The following NPAS3 variants were observed in gnomAD, a reference collection of about 807,000 sequenced individuals.
The protein encoded by NPAS3 is neuronal PAS domain protein 3.
In NPAS3, 14 loss-of-function variants were observed where a neutral mutation model predicts 73.1. The observed-to-expected ratio is 0.19, with a 90% confidence interval of 0.13 to 0.30. The LOEUF (loss-of-function observed/expected upper bound fraction) is 0.30. Ranked by LOEUF, NPAS3 falls within the 10% of genes least tolerant of loss-of-function variation. NPAS3 has a pLI of 1.00. For missense variants in NPAS3, 1,096 were observed against 1,250.0 expected, an observed-to-expected ratio of 0.88 and a Z score of 1.86; for synonymous variants, 620 against 541.5, an observed-to-expected ratio of 1.14 and a Z score of -2.01.
At chr14:33,303,817 C>G (rs1360565165) in intron 3 of NPAS3, among the ~76,000 whole-genome samples, 2 of 152,168 alleles carry the variant, frequency 1.3e-5, no homozygotes, top group African/African-American at 4.8e-5. Context: ...GTCTCAAATT[C>G]CAGTAACTTG....
At chr14:33,597,685 A>G (rs1170376197) in intron 5 of NPAS3, among the ~76,000 whole-genome samples, 2 of 152,228 alleles carry the variant, frequency 1.3e-5, no homozygotes, top group East Asian at 3.8e-4. Flanking sequence ...GGCTGTGTCT[A>G]GGCACAGGGT....
chr14:33,277,490 C>T (rs1311832286), intron 3 of NPAS3, among the ~76,000 whole-genome samples: 1 of 152,142 alleles, frequency 6.6e-6, no homozygotes, highest in Non-Finnish European at 1.5e-5. Context: ...TCAACAAATA[C>T]ATATGTGATA....
chr14:33,004,817 C>CTTTTTTTTTTTTTT lies in NPAS3; in HGVS notation c.51-51082_51-51069dup. 1.6e-4 allele frequency among the ~76,000 whole-genome samples: 10 copies of CTTTTTTTTTTTTTT among 63,996 alleles called. 1 individual carries two copies. Among genetic ancestry groups the CTTTTTTTTTTTTTT allele is most frequent in the Admixed American group, 3.8e-4 (2 of 5,256 alleles). 42.0% of individuals were successfully genotyped at this position (63,996 alleles called of 152,430 possible). On this transcript the variant is annotated intron_variant, in intron 1 of 11. Transcript: ENST00000356141. Reference sequence around the variant, plus strand: ...CTTTTTTCTATTGTAAAAAGTTTTCCTTTTTTTTTTTTTTTTTTTAGTTTT... The same window carrying CTTTTTTTTTTTTTT: ...CTTTTTTCTATTGTAAAAAGTTTTCCTTTTTTTTTTTTTTTTTTTTTTTTTTTTTTTTTAGTTTT...
intron 7 of NPAS3, among the ~76,000 whole-genome samples, chr14:33,748,006 T>C (rs2061855176): frequency 6.6e-6 from 1 of 152,228 alleles, no homozygotes; most frequent in Non-Finnish European, 1.5e-5. Flanking sequence ...GTTTTATACA[T>C]GTATTTGTAC....
chr14:33,569,541 C>T (rs2056113083), intron 5 of NPAS3, among the ~76,000 whole-genome samples: 1 of 152,106 alleles, frequency 6.6e-6, no homozygotes, highest in Admixed American at 6.6e-5. Context: ...CCCCTTCCCT[C>T]TTGGCCTTCT....
chr14:33,424,685 G>GT (rs2048485125), intron 4 of NPAS3, among the ~76,000 whole-genome samples: 1 of 151,804 alleles, frequency 6.6e-6, no homozygotes, highest in African/African-American at 2.4e-5. Flanking sequence ...CAAAGGGAAG[G>GT]TGATGCCAAT....
intron 3 of NPAS3, among the ~76,000 whole-genome samples, chr14:33,336,023 T>C (rs1044430844): frequency 2.0e-5 from 3 of 152,224 alleles, no homozygotes; most frequent in African/African-American, 4.8e-5. Flanking sequence ...TGCAAAACTT[T>C]CTAAAGTCAT....
intron 5 of NPAS3, among the ~76,000 whole-genome samples, chr14:33,667,224 G>A (rs758645908): frequency 1.3e-5 from 2 of 152,176 alleles, no homozygotes; most frequent in African/African-American, 2.4e-5. Context: ...CAAGCACTCA[G>A]TAGCAACACC....
chr14:33,201,571 A>G (rs1044482882), intron 2 of NPAS3, among the ~76,000 whole-genome samples: 8 of 152,246 alleles, frequency 5.3e-5, no homozygotes, highest in Non-Finnish European at 8.8e-5. Flanking sequence ...AAAGATAGGT[A>G]TATTTAAGAA....
chr14:33,442,285 C>T lies in NPAS3; in HGVS notation c.468+75017C>T, dbSNP rs978512291. ...TTCCAGATCTCAGTCATAAGAATGA[C>T]AGTCAACTGAACATGGTGGTGCCTG... On this transcript the variant is annotated intron_variant, in intron 4 of 11. Coordinates refer to ENST00000356141, the Ensembl canonical transcript of NPAS3. Among the ~76,000 whole-genome samples the T allele has an allele frequency of 5.9e-4, 90 of 152,224 alleles. No individual in the cohort carries two copies. The Middle Eastern group carries it at 0.014, about 23-fold the overall frequency.
rs374839626 is a variant in NPAS3 at position 33,052,522 on chromosome 14, G to A, written c.51-3383G>A. ...CCCTACATATTAATTCAAGAGAATGGCCAGCGCTTATGCTTAATAACTAGA... is the reference window on the plus strand; with the variant it reads ...CCCTACATATTAATTCAAGAGAATGACCAGCGCTTATGCTTAATAACTAGA... On this transcript the variant is annotated intron_variant, in intron 1 of 11. Coordinates refer to ENST00000356141, the Ensembl canonical transcript of NPAS3. Among the ~76,000 whole-genome samples, 15 of 152,258 alleles carry A rather than the reference G, an allele frequency of 9.9e-5. No individual in the cohort carries two copies. The East Asian group carries it at 2.9e-3, about 29-fold the overall frequency.
chr14:33,260,400 T>G (rs1437545283), intron 3 of NPAS3, among the ~76,000 whole-genome samples: 1 of 152,232 alleles, frequency 6.6e-6, no homozygotes, highest in South Asian at 2.1e-4. Context: ...CCTGTCATTC[T>G]ACAATAGCCA....
intron 5 of NPAS3, among the ~76,000 whole-genome samples, chr14:33,611,555 C>A (rs1225210130): frequency 2.6e-5 from 4 of 152,108 alleles, no homozygotes; most frequent in African/African-American, 9.7e-5. Context: ...GCTTATAATG[C>A]CCTCGGGAAT....
chr14:33,318,780 C>T (rs2043314354), intron 3 of NPAS3, among the ~76,000 whole-genome samples: 2 of 152,032 alleles, frequency 1.3e-5, no homozygotes. Flanking sequence ...ATGATATTGA[C>T]CAAATGATAT....
intron 1 of NPAS3, among the ~76,000 whole-genome samples, chr14:32,944,231 C>T (rs1336427537): frequency 6.6e-6 from 1 of 152,150 alleles, no homozygotes; most frequent in Non-Finnish European, 1.5e-5. Context: ...TATGTTTACA[C>T]AGTCACTTTT....
chr14:33,185,152 G>T lies in NPAS3; in HGVS notation c.141-30030G>T, dbSNP rs190318871. On this transcript the variant is annotated intron_variant, in intron 2 of 11. Transcript: ENST00000356141. ...TGCTAGCCTTTTCAGGATTCTTATC[G>T]TGAATGCTTCTAGTACAGTGGAAGA... Among the ~76,000 whole-genome samples the T allele has an allele frequency of 8.0e-3, 1,212 of 152,182 alleles. 13 individuals are homozygous for T. The highest frequency in any genetic ancestry group is 0.013 in the Non-Finnish European group (890 of 68,006).
intron 4 of NPAS3, among the ~76,000 whole-genome samples, chr14:33,433,721 A>G (rs1001504951): frequency 6.6e-6 from 1 of 152,210 alleles, no homozygotes; most frequent in Non-Finnish European, 1.5e-5. Context: ...GTTTTAGGCA[A>G]TAGCTCATCT....
chr14:33,083,023 AAC>A (rs1491585475), intron 2 of NPAS3, among the ~76,000 whole-genome samples: 2 of 151,858 alleles, frequency 1.3e-5, no homozygotes, highest in Non-Finnish European at 2.9e-5. Context: ...TCTACAAAAA[AAC>A]ACAAAACATT....
intron 2 of NPAS3, among the ~76,000 whole-genome samples, chr14:33,069,393 T>G (rs2041401803): frequency 1.3e-5 from 2 of 152,236 alleles, no homozygotes; most frequent in Admixed American, 1.3e-4. Context: ...ATTTATTCAT[T>G]TATTCAGTCC....
Sources: allele counts gnomAD v4.1 joint callset (sites outside exome capture counted in the v4.1 genomes callset), GRCh38; gene constraint gnomAD v4.1.1; transcripts MANE v1.5; gene names NCBI Gene and HGNC (gene_info 2026-07-23, HGNC 2026-07-21).